The following RPS3A variants were observed in gnomAD, a reference collection of about 807,000 sequenced individuals.
RPS3A encodes small ribosomal subunit protein eS1.
In RPS3A, 1 loss-of-function variant was observed where a neutral mutation model predicts 26.4. The observed-to-expected ratio is 0.04, with a 90% confidence interval of 0.01 to 0.18. The LOEUF is 0.18. Among genes scored for constraint, RPS3A ranks in the 10% least tolerant of loss-of-function variants. The pLI, the probability that RPS3A is intolerant of heterozygous loss-of-function variation, is 1.00. For missense variants in RPS3A, 139 were observed against 326.8 expected (o/e 0.43, Z 4.43); for synonymous variants, 97 against 106.1 (o/e 0.91, Z 0.53).
intron 4 of RPS3A, chr4:151,103,315 T>G: frequency 1.3e-6 from 1 of 783,312 alleles, no homozygotes; most frequent in Non-Finnish European, 1.8e-6. Flanking sequence ...AGTATTGTGA[T>G]CCTCCTTGGC....
intron 2 of RPS3A, 116 bp from the exon 3 acceptor site, chr4:151,100,859 A>G: frequency 4.2e-6 from 3 of 716,778 alleles, no homozygotes; most frequent in Non-Finnish European, 6.8e-6. Context: ...AGATTTGATA[A>G]CAAAGGTTAA....
Position 151,103,741 on chromosome 4 carries a change from A to G in RPS3A, c.564-436A>G, listed in dbSNP as rs929512402. 4 of 1,160,642 alleles carry G rather than the reference A, an allele frequency of 3.4e-6. No homozygotes were observed. In the African/African-American group the frequency reaches 6.5e-5, roughly 19 times the overall value. The allele number at this position is 1,160,642 out of a possible 1,614,324, so 71.9% of individuals were successfully genotyped here. A position where few individuals can be genotyped will look rare whatever the true frequency, so the allele number is the denominator to read the frequency against. On this transcript the variant is annotated intron_variant, in intron 4 of 5. Transcript: ENST00000274065. ...ATATAGGGAGACCCTGTCCCAAAAA[A>G]TAAAAAATATACGTATATATATATA...
At chr4:151,103,672 T>G (rs1747229616) in intron 4 of RPS3A, 1 of 1,080,802 alleles carries the variant, frequency 9.3e-7, no homozygotes, top group African/African-American at 1.7e-5. Context: ...GAGGCTGAGG[T>G]GGTAGGATTG....
chr4:151,102,562 T>A (rs918455812), intron 3 of RPS3A, among the ~76,000 whole-genome samples: 5 of 152,106 alleles, frequency 3.3e-5, no homozygotes, highest in African/African-American at 1.2e-4. Context: ...ATGAGCTGTT[T>A]AAAGGGGTAT....
chr4:151,101,611 G>A (rs1237440116), intron 3 of RPS3A, among the ~76,000 whole-genome samples: 3 of 152,112 alleles, frequency 2.0e-5, no homozygotes, highest in African/African-American at 7.2e-5. Flanking sequence ...AAAGTAACTT[G>A]TTTTCTAAGC....
rs969937066 is a variant in RPS3A at position 151,100,847 on chromosome 4, A to G, written c.167-128A>G. 3.8e-5 allele frequency: 25 copies of G among 665,518 alleles called. No homozygotes were observed. In the East Asian group the frequency reaches 6.7e-4, roughly 18 times the overall value. 41.2% of individuals were successfully genotyped at this position (665,518 alleles called of 1,614,324 possible). A position where few individuals can be genotyped will look rare whatever the true frequency, so the allele number is the denominator to read the frequency against. On this transcript the variant is annotated intron_variant, in intron 2 of 5. Coordinates refer to ENST00000274065, the MANE Select transcript of RPS3A (RefSeq NM_001006.5). The stretch of plus-strand genomic sequence containing the variant: ...CTGTTGATAAGTCACTGGTGTCTGG[A>G]TAGATTTGATAACAAAGGTTAAGGT...
rs986226221 is a variant in RPS3A, at chr4:151,100,395, T to C, written c.63-90T>C. ...TTGGTATCAAATTGCCGGTTAGCTTTTTAAAATATTAATGGGAAATACCAT... is the reference window on the plus strand; with the variant it reads ...TTGGTATCAAATTGCCGGTTAGCTTCTTAAAATATTAATGGGAAATACCAT... On this transcript the variant is annotated intron_variant, in intron 1 of 5. Transcript: ENST00000274065. The C allele has an allele frequency of 2.9e-5, 22 of 770,966 alleles. No individual in the cohort carries two copies. In the African/African-American group the frequency reaches 3.5e-4, roughly 12 times the overall value. The allele number at this position is 770,966 out of a possible 1,614,324, so 47.8% of individuals were successfully genotyped here.
chr4:151,102,195 G>A, intron 3 of RPS3A: 1 of 373,120 alleles, frequency 2.7e-6, no homozygotes, highest in Admixed American at 3.4e-5. Context: ...AATTGTATTT[G>A]ATTAGTTTTT....
At chr4:151,103,217 G>A (rs1016787917) in intron 4 of RPS3A, 138 bp downstream of exon 4, 5 of 1,390,592 alleles carry the variant, frequency 3.6e-6, no homozygotes, top group Non-Finnish European at 4.7e-6. Context: ...CTCTTTAAGT[G>A]AAAGAGTGTT....
intron 3 of RPS3A, 82 bp from the exon 4 acceptor site, chr4:151,102,789 A>G (rs1006970370): frequency 9.0e-6 from 13 of 1,439,126 alleles, no homozygotes; most frequent in African/African-American, 2.9e-5. Flanking sequence ...GTGTTTGACA[A>G]TCCAGCTTTT....
At chr4:151,101,423 T>G (rs1353577399) in intron 3 of RPS3A, among the ~76,000 whole-genome samples, 1 of 152,190 alleles carries the variant, frequency 6.6e-6, no homozygotes, top group African/African-American at 2.4e-5. Flanking sequence ...CTGCATAGAT[T>G]AGTGGTTTTT....
chr4:151,102,038 C>A (rs370064042), intron 3 of RPS3A: 16 of 517,490 alleles, frequency 3.1e-5, no homozygotes, highest in East Asian at 1.6e-4. Flanking sequence ...TGGCACAGTT[C>A]GAATATTTTG....
rs750809093 is a variant in RPS3A, at chr4:151,104,338, T to C, written c.673+52T>C. On this transcript the variant is annotated intron_variant, in intron 5 of 5. Transcript: ENST00000274065. ...TAGGGCCAAATACATTGTTTTTGGG[T>C]GGAGGAGGAGTGTGGGGCCATATCA... The C allele has an allele frequency of 1.9e-6, 3 of 1,586,722 alleles. No individual in the cohort carries two copies. In the East Asian group the frequency reaches 6.8e-5, roughly 36 times the overall value.
Position 151,103,033 on chromosome 4 carries a change from A to G in RPS3A, c.517A>G (p.Thr173Ala). ...QIRKKMMEIM[T>A]REVQTNDLKE... ...CCGGAAGAAGATGATGGAAATCATG[A>G]CCCGAGAGGTGCAGACAAATGACTT... The change falls in exon 4 of 6, where the codon ACC (threonine) becomes GCC (alanine). Residue 173 changes from threonine (T) to alanine (A), a missense_variant. Thr to Ala is a moderately conservative substitution (Grantham distance 58, BLOSUM62 0). Transcript: ENST00000274065. The G allele has an allele frequency of 6.2e-7, 1 of 1,600,516 alleles. No individual in the cohort carries two copies. Among genetic ancestry groups the G allele is most frequent in the Non-Finnish European group, 8.5e-7 (1 of 1,179,740 alleles).
intron 4 of RPS3A, 138 bp downstream of exon 4, chr4:151,103,217 G>C: frequency 7.2e-7 from 1 of 1,390,592 alleles, no homozygotes; most frequent in Admixed American, 2.7e-5. Flanking sequence ...CTCTTTAAGT[G>C]AAAGAGTGTT....
At chr4:151,100,288 A>G (rs563929948) in intron 1 of RPS3A, 197 bp from the exon 2 acceptor site, 1 of 562,698 alleles carries the variant, frequency 1.8e-6, no homozygotes, top group East Asian at 3.0e-5. Context: ...ATAACCTTTC[A>G]AAGTCTGATG....
intron 3 of RPS3A, chr4:151,102,177 T>TA (rs1488840864): frequency 4.7e-6 from 2 of 422,220 alleles, no homozygotes; most frequent in African/African-American, 4.2e-5. Flanking sequence ...TAAGGTCCCT[T>TA]AGCTGTAAAT....
chr4:151,100,022 C>T (rs1286967864), intron 1 of RPS3A: 5 of 608,718 alleles, frequency 8.2e-6, no homozygotes, highest in African/African-American at 7.3e-5. Context: ...GATGGCACTG[C>T]GACAGCAGGA....
In RPS3A at chr4:151,103,037, G is replaced by A; in HGVS notation, c.521G>A (p.Arg174Gln). ...AAGAAGATGATGGAAATCATGACCC[G>A]AGAGGTGCAGACAAATGACTTGAAA... is the stretch of plus-strand genomic sequence containing the variant. ...IRKKMMEIMT[R>Q]EVQTNDLKEV... is the part of the protein sequence containing the mutation. Residue 174 changes from arginine (R) to glutamine (Q), a missense_variant, in exon 4 of 6, where the codon CGA becomes CAA. Transcript: ENST00000274065. 1.2e-6 allele frequency: 2 copies of A among 1,600,186 alleles called. No homozygotes were observed. Among genetic ancestry groups the A allele is most frequent in the Non-Finnish European group, 1.7e-6 (2 of 1,179,724 alleles).
Sources: gnomAD v4.1 joint callset for allele counts (sites outside exome capture counted in the v4.1 genomes callset) on GRCh38, gnomAD v4.1.1 for gene constraint, MANE v1.5 for transcripts, NCBI Gene and HGNC (gene_info 2026-07-23, HGNC 2026-07-21) for gene names.